Variants in DDX31 observed in about 807,000 individuals in gnomAD.
DDX31 encodes the protein DEAD-box helicase 31.
DDX31 carries 70 observed loss-of-function variants against 91.3 expected under a neutral mutation model. That is an observed-to-expected ratio of 0.77 (90% CI 0.63 to 0.94). The LOEUF (loss-of-function observed/expected upper bound fraction) is 0.94, where lower values mean the gene tolerates loss of function less well. DDX31 is among the 40% of genes least tolerant of loss of function. DDX31 has a pLI of 0.00. For synonymous variants in DDX31, 362 were observed against 350.6 expected, an observed-to-expected ratio of 1.03 and a Z score of -0.36; for missense variants, 902 against 925.0, an observed-to-expected ratio of 0.98 and a Z score of 0.32.
chr9:132,610,324 A>G (rs746703359), intron 19 of DDX31, among the ~76,000 whole-genome samples: 1 of 152,226 alleles, frequency 6.6e-6, no homozygotes, highest in Non-Finnish European at 1.5e-5. Flanking sequence ...AGCAAAGGAC[A>G]CGTCCACACT....
At chr9:132,641,406 A>G (rs1159063305) in intron 14 of DDX31, among the ~76,000 whole-genome samples, 1 of 152,220 alleles carries the variant, frequency 6.6e-6, no homozygotes, top group African/African-American at 2.4e-5. Context: ...AGCAACAACT[A>G]CGGTAAAGTG....
At chr9:132,629,469 G>A (rs1180615171) in intron 16 of DDX31, among the ~76,000 whole-genome samples, 3 of 152,236 alleles carry the variant, frequency 2.0e-5, no homozygotes, top group Non-Finnish European at 4.4e-5. Flanking sequence ...GGCAGGTGTG[G>A]TGGGGACAGC....
chr9:132,656,942 T>C (rs1345252047), intron 6 of DDX31, among the ~76,000 whole-genome samples: 2 of 152,162 alleles, frequency 1.3e-5, no homozygotes, highest in Non-Finnish European at 2.9e-5. Flanking sequence ...AAGCACTTAA[T>C]AGGGGGAAAA....
chr9:132,668,784 G>C (rs899216345), intron 1 of DDX31, among the ~76,000 whole-genome samples: 1 of 152,134 alleles, frequency 6.6e-6, no homozygotes, highest in Non-Finnish European at 1.5e-5. Context: ...TAGCCAGGAT[G>C]GTCTCGATCT....
chr9:132,624,797 G>A (rs1458346673), intron 17 of DDX31, among the ~76,000 whole-genome samples: 3 of 152,198 alleles, frequency 2.0e-5, no homozygotes, highest in Non-Finnish European at 4.4e-5. Context: ...TTCCTTAGAT[G>A]CTCTCTAAAA....
chr9:132,669,470 T>TAAAAAA, intron 1 of DDX31: 1 of 669,476 alleles, frequency 1.5e-6, no homozygotes, highest in Non-Finnish European at 2.1e-6. Flanking sequence ...GTGGGCAAGA[T>TAAAAAA]AAAAAAAAAA....
intron 16 of DDX31, among the ~76,000 whole-genome samples, chr9:132,629,308 AG>A (rs1489228612): frequency 2.0e-5 from 3 of 152,262 alleles, no homozygotes; most frequent in African/African-American, 7.2e-5. Flanking sequence ...CATTACAACC[AG>A]GAGTAGTTTC....
intron 17 of DDX31, among the ~76,000 whole-genome samples, chr9:132,619,028 G>A (rs902991961): frequency 2.0e-5 from 3 of 152,242 alleles, no homozygotes; most frequent in African/African-American, 7.2e-5. Context: ...ATTAAGGAGT[G>A]AGTGGGCTGT....
At position 132,651,723 on chromosome 9, in the gene DDX31, C is replaced by T. The variant is rs888126844; in HGVS notation, c.634-607G>A. Among the ~76,000 whole-genome samples, 7 of 152,200 alleles carry T rather than the reference C, an allele frequency of 4.6e-5. No individual in the cohort carries two copies. In the South Asian group the frequency reaches 1.5e-3, roughly 32 times the overall value. ...TAACAACCTTCAAAAATGCCTCATA[C>T]AGAATCCCGTTCTTAAAGAACGTAT... On this transcript the variant is annotated intron_variant, in intron 7 of 19. Coordinates refer to ENST00000372159, the MANE Select transcript of DDX31 (RefSeq NM_022779.9).
intron 5 of DDX31, 21 bp downstream of exon 5, chr9:132,659,689 C>T: frequency 1.9e-6 from 3 of 1,598,430 alleles, no homozygotes; most frequent in Non-Finnish European, 2.6e-6. Context: ...TGAAAAAGGG[C>T]AGAGATGAAA....
chr9:132,658,165 T>C (rs1834690483), intron 6 of DDX31: 1 of 622,710 alleles, frequency 1.6e-6, no homozygotes, highest in South Asian at 1.9e-5. Flanking sequence ...CACAGATGCA[T>C]GGCCCCTACA....
At chr9:132,667,819 G>T (rs139507808) in intron 1 of DDX31, among the ~76,000 whole-genome samples, 1,045 of 152,210 alleles carry the variant, frequency 6.9e-3, no homozygotes, top group Non-Finnish European at 0.011. Context: ...ATCCAAAATG[G>T]AGCCAAAACT....
intron 19 of DDX31, among the ~76,000 whole-genome samples, chr9:132,608,101 C>T (rs1831122618): frequency 6.6e-6 from 1 of 152,188 alleles, no homozygotes; most frequent in South Asian, 2.1e-4. Flanking sequence ...GCTGAATCTA[C>T]TATAGCTTCA....
intron 12 of DDX31, 67 bp downstream of exon 12, chr9:132,646,756 A>G (rs1833863494): frequency 6.6e-6 from 10 of 1,517,306 alleles, no homozygotes; most frequent in Non-Finnish European, 9.1e-6. Context: ...CATTGCTCCC[A>G]ATGGCTTAAC....
At chr9:132,624,045 T>C (rs990852827) in intron 17 of DDX31, among the ~76,000 whole-genome samples, 42 of 151,630 alleles carry the variant, frequency 2.8e-4, no homozygotes, top group African/African-American at 9.7e-4. Context: ...CATGTGCCTG[T>C]AGTCCCAGCT....
At chr9:132,599,551 A>G (rs1048643544) in intron 19 of DDX31, among the ~76,000 whole-genome samples, 2 of 152,250 alleles carry the variant, frequency 1.3e-5, no homozygotes, top group African/African-American at 4.8e-5. Flanking sequence ...CATTATTTTT[A>G]TAATTAGAAA....
At chr9:132,644,966 A>C (rs1364862183) in intron 13 of DDX31, among the ~76,000 whole-genome samples, 1 of 152,202 alleles carries the variant, frequency 6.6e-6, no homozygotes, top group Non-Finnish European at 1.5e-5. Flanking sequence ...ATTAAAACAA[A>C]AGAGCAAAAG....
rs1833883973 is a variant in DDX31, at chr9:132,647,031, A to C, written c.995T>G (p.Leu332Trp). ...EGVTRLADIS[L>W]HDPVSISVLD... is the part of the protein sequence containing the mutation. Reference sequence around the variant, plus strand: ...GACAGAAATACTGACTGGATCATGCAAACTGATATCAGCTAGCCGCGTTAC... The same window carrying C: ...GACAGAAATACTGACTGGATCATGCCAACTGATATCAGCTAGCCGCGTTAC... Residue 332 changes from leucine to tryptophan, a missense_variant, in exon 12 of 20, where the codon TTG becomes TGG. By Grantham distance (61) the Leu-to-Trp change is moderately conservative (BLOSUM62 -2). Coordinates refer to ENST00000372159, the MANE Select transcript of DDX31 (RefSeq NM_022779.9). 6.2e-7 allele frequency: 1 copy of C among 1,613,972 alleles called. No homozygotes were observed. The highest frequency in any genetic ancestry group is 1.7e-5 in the Admixed American group (1 of 59,992).
rs1665550116 is a variant in DDX31 at position 132,595,287 on chromosome 9, T to A, written c.1995-175A>T. Among the ~76,000 whole-genome samples, 1 of 152,248 alleles carries A rather than the reference T, an allele frequency of 6.6e-6. No homozygotes were observed. The highest frequency in any genetic ancestry group is 1.5e-5 in the Non-Finnish European group (1 of 68,044). On this transcript the variant is annotated intron_variant, in intron 19 of 19. Transcript: ENST00000372159. The surrounding 1 kb of genome is among the most constrained non-coding windows in gnomAD (Gnocchi z 4.6). The stretch of plus-strand genomic sequence containing the variant: ...ATATTCGATGCACCAGAAGATTAGA[T>A]ACGGCGCTGACAGATTTTCATAACA...
Sources: allele counts gnomAD v4.1 joint callset (sites outside exome capture counted in the v4.1 genomes callset), GRCh38; gene constraint gnomAD v4.1.1; non-coding constraint Gnocchi (gnomAD v3.1); transcripts MANE v1.5; gene names NCBI Gene and HGNC (gene_info 2026-07-23, HGNC 2026-07-21).